The following SHISA9 variants were observed in gnomAD, a reference collection of about 807,000 sequenced individuals.
SHISA9 encodes shisa family member 9.
Under a neutral mutation model 38.0 loss-of-function variants are expected in SHISA9, and 13 were observed. The ratio of observed to expected loss-of-function variants is 0.34; its 90% CI spans 0.22 to 0.54. The LOEUF is 0.54. Among genes scored for constraint, SHISA9 ranks in the 20% least tolerant of loss-of-function variants. SHISA9 has a pLI of 0.91. For synonymous variants in SHISA9, 275 were observed against 242.0 expected (o/e 1.14, Z -1.27); for missense variants, 538 against 575.8 (o/e 0.93, Z 0.67).
chr16:13,460,364 G>A, the SHISA9 span, among the ~76,000 whole-genome samples: 11 of 152,158 alleles, frequency 7.2e-5, no homozygotes, highest in Non-Finnish European at 1.3e-4. Context: ...CTGTGTGCTG[G>A]AAACTTTATG....
At chr16:13,146,397 T>A (rs2050447757) in intron 2 of SHISA9, among the ~76,000 whole-genome samples, 1 of 152,168 alleles carries the variant, frequency 6.6e-6, no homozygotes, top group Non-Finnish European at 1.5e-5. Context: ...TGTGAGTACA[T>A]GTAGGTGTAT....
At chr16:13,267,404 G>C in the SHISA9 span, among the ~76,000 whole-genome samples, 2 of 152,284 alleles carry the variant, frequency 1.3e-5, no homozygotes, top group South Asian at 2.1e-4. Context: ...CAAACTGATG[G>C]GGGTGTGGTG....
the SHISA9 span, among the ~76,000 whole-genome samples, chr16:13,501,145 A>C: frequency 6.6e-6 from 1 of 152,228 alleles, no homozygotes; most frequent in East Asian, 1.9e-4. Flanking sequence ...TTTGCCTCCC[A>C]GGAAACATTT....
intron 1 of SHISA9, among the ~76,000 whole-genome samples, chr16:12,907,484 G>A (rs2071118231): frequency 6.6e-6 from 1 of 151,882 alleles, no homozygotes; most frequent in East Asian, 1.9e-4. Flanking sequence ...ATCTCAGCAG[G>A]GGGCTTTCCT....
At chr16:13,171,244 C>G (rs1466604555) in intron 2 of SHISA9, among the ~76,000 whole-genome samples, 1 of 152,148 alleles carries the variant, frequency 6.6e-6, no homozygotes, top group East Asian at 1.9e-4. Flanking sequence ...AGGGATCCAC[C>G]CCCATGACCC....
the SHISA9 span, among the ~76,000 whole-genome samples, chr16:13,250,546 A>AT: frequency 4.6e-5 from 7 of 152,212 alleles, no homozygotes; most frequent in African/African-American, 1.4e-4. Flanking sequence ...GCATTCAGTG[A>AT]TTTTTTTAGG....
At chr16:13,081,085 G>A (rs1006628678) in intron 2 of SHISA9, among the ~76,000 whole-genome samples, 2 of 152,140 alleles carry the variant, frequency 1.3e-5, no homozygotes, top group African/African-American at 2.4e-5. Flanking sequence ...ATATGAATTC[G>A]GAGAGATACA....
intron 2 of SHISA9, among the ~76,000 whole-genome samples, chr16:12,920,411 A>G (rs1330351908): frequency 6.6e-6 from 1 of 152,234 alleles, no homozygotes; most frequent in Non-Finnish European, 1.5e-5. Flanking sequence ...AGAAAAATGA[A>G]TAAGACCTAC....
downstream of SHISA9, among the ~76,000 whole-genome samples, chr16:13,241,325 G>C (rs2051433712): frequency 6.6e-6 from 1 of 152,122 alleles, no homozygotes; most frequent in Admixed American, 6.5e-5. Flanking sequence ...TGGCCAACGT[G>C]GATTAACCCC....
intron 2 of SHISA9, among the ~76,000 whole-genome samples, chr16:13,113,210 A>C (rs2073996996): frequency 2.0e-5 from 1 of 50,036 alleles, no homozygotes; most frequent in Non-Finnish European, 4.3e-5. Context: ...ACTCCATCTC[A>C]AAAAAAAAAA....
At chr16:13,169,092 C>T (rs1596697924) in intron 2 of SHISA9, among the ~76,000 whole-genome samples, 1 of 152,172 alleles carries the variant, frequency 6.6e-6, no homozygotes, top group Admixed American at 6.5e-5. Flanking sequence ...TACGGAAGAC[C>T]TCACACCTGT....
chr16:13,526,234 A>G, the SHISA9 span, among the ~76,000 whole-genome samples: 1 of 152,202 alleles, frequency 6.6e-6, no homozygotes, highest in Non-Finnish European at 1.5e-5. Context: ...AGAACCATCA[A>G]TGACTTTAGC....
At chr16:13,552,819 C>G in the SHISA9 span, among the ~76,000 whole-genome samples, 7 of 152,028 alleles carry the variant, frequency 4.6e-5, no homozygotes, top group Admixed American at 2.0e-4. Context: ...TAATTGGCCT[C>G]TGTCCCAAGG....
intron 2 of SHISA9, among the ~76,000 whole-genome samples, chr16:13,111,140 A>G (rs1267319781): frequency 5.9e-5 from 9 of 152,210 alleles, no homozygotes; most frequent in South Asian, 4.1e-4. Context: ...ATGGGTAAAG[A>G]CTTCATGACT....
chr16:12,930,495 C>G (rs1289723492), intron 2 of SHISA9, among the ~76,000 whole-genome samples: 1 of 152,180 alleles, frequency 6.6e-6, no homozygotes, highest in Non-Finnish European at 1.5e-5. Flanking sequence ...TGATTTTTGT[C>G]AAAAGCATTT....
chr16:12,912,626 G>T lies in SHISA9; in HGVS notation c.564-4062G>T, dbSNP rs1184877430. Among the ~76,000 whole-genome samples the T allele has an allele frequency of 5.9e-5, 9 of 152,262 alleles. No individual in the cohort carries two copies. The East Asian group carries it at 7.7e-4, about 13-fold the overall frequency. ...TAGGTTTGGAAGGCCTCTGTCTTTT[G>T]TCTCAAAACTTTCTTTCCCTGTAGC... On this transcript the variant is annotated intron_variant, in intron 1 of 4. Transcript: ENST00000558583.
the SHISA9 span, among the ~76,000 whole-genome samples, chr16:13,310,300 T>A: frequency 5.3e-5 from 8 of 151,656 alleles, no homozygotes; most frequent in Non-Finnish European, 1.2e-4. Flanking sequence ...TTTAAAAAGC[T>A]GCTTTTTTTT....
At chr16:13,265,546 G>A in the SHISA9 span, among the ~76,000 whole-genome samples, 10 of 33,652 alleles carry the variant, frequency 3.0e-4, no homozygotes, top group African/African-American at 6.1e-4. Context: ...TCCCTTCCCC[G>A]CCCTTCCCTC....
At chr16:13,019,516 A>C (rs2072797603) in intron 2 of SHISA9, among the ~76,000 whole-genome samples, 1 of 152,056 alleles carries the variant, frequency 6.6e-6, no homozygotes, top group East Asian at 1.9e-4. Flanking sequence ...CATAATCACA[A>C]AGTCTCTGAT....
Sources: allele counts gnomAD v4.1 joint callset (sites outside exome capture counted in the v4.1 genomes callset), GRCh38; gene constraint gnomAD v4.1.1; transcripts MANE v1.5; gene names NCBI Gene and HGNC (gene_info 2026-07-23, HGNC 2026-07-21).